Variants in ABCE1 observed in about 807,000 individuals in gnomAD.
ABCE1 encodes the protein ATP-binding cassette sub-family E member 1.
A neutral mutation model predicts 83.4 loss-of-function variants in ABCE1; 22 were observed. That is an observed-to-expected ratio of 0.26 (90% CI 0.19 to 0.38). The LOEUF is 0.38. Among genes scored for constraint, ABCE1 ranks in the 10% least tolerant of loss-of-function variants. ABCE1 has a pLI of 1.00. For synonymous variants in ABCE1, 204 were observed against 233.7 expected (o/e 0.87, Z 1.16); for missense variants, 330 against 721.9 (o/e 0.46, Z 6.22).
chr4:145,119,967 G>T lies in ABCE1; in HGVS notation c.958G>T (p.Glu320Ter), dbSNP rs1307166308. 1 of 1,611,300 alleles carries T rather than the reference G, an allele frequency of 6.2e-7. No individual in the cohort carries two copies. The highest frequency in any genetic ancestry group is 1.7e-5 in the Admixed American group (1 of 59,602). Residue 320 changes from glutamate to a stop codon, truncating the protein, a stop_gained, in exon 11 of 18, where the codon GAA becomes TAA. Coordinates refer to ENST00000296577, the MANE Select transcript of ABCE1 (RefSeq NM_002940.3). LOFTEE classifies it high-confidence loss of function. ...NIFLDGYVPT[E>*]NLRFRDASLV... ...TTTTTTGGATGGCTATGTTCCAACA[G>T]AAAACTTGAGATTCAGAGATGCATC...
At chr4:145,122,358 A>G (rs1749769184) in intron 13 of ABCE1, 1 of 152,222 alleles carries the variant, frequency 6.6e-6, no homozygotes, top group Admixed American at 6.5e-5. Flanking sequence ...CTAGCACATT[A>G]TCATGCATTT....
Position 145,127,609 on chromosome 4 carries a change from AAGG to A in ABCE1, c.*39_*41del, listed in dbSNP as rs1749926695. ...AGAATATTGATAAGCCATTTATTAAAAGGAGTATTTACTAGAATTTTTTGTCAT... is the reference window on the plus strand; with the variant it reads ...AGAATATTGATAAGCCATTTATTAAAAGTATTTACTAGAATTTTTTGTCAT... On this transcript the variant is annotated 3_prime_UTR_variant, in exon 18 of 18. Coordinates refer to ENST00000296577, the MANE Select transcript of ABCE1 (RefSeq NM_002940.3). The A allele has an allele frequency of 2.0e-6, 3 of 1,495,298 alleles. No homozygotes were observed. Among genetic ancestry groups the A allele is most frequent in the Admixed American group, 5.1e-5 (2 of 39,148 alleles). 92.6% of individuals were successfully genotyped at this position (1,495,298 alleles called of 1,614,324 possible).
At chr4:145,118,278 G>T (rs1275886148) in intron 10 of ABCE1, among the ~76,000 whole-genome samples, 4 of 148,714 alleles carry the variant, frequency 2.7e-5, no homozygotes, top group Non-Finnish European at 3.0e-5. Context: ...AATCTTGGAG[G>T]AATCTTTTTT....
intron 7 of ABCE1, 104 bp downstream of exon 7, chr4:145,110,548 T>C: frequency 9.0e-7 from 1 of 1,109,670 alleles, no homozygotes; most frequent in Non-Finnish European, 1.3e-6. Flanking sequence ...CAACCTCTGC[T>C]TACCACAACC....
In ABCE1 at chr4:145,110,389, T is replaced by C. The variant is rs931963728; in HGVS notation, c.558T>C (p.Ser186=). Residue 186 remains serine (S), a synonymous_variant, in exon 7 of 18, where the codon TCT becomes TCC. Transcript: ENST00000296577. ...IPKAAKGTVG[S]ILDRKDETKT... Reference sequence around the variant, plus strand: ...TATTGTGGCAGGGGACAGTGGGATCTATTTTGGACCGAAAAGATGAAACAA... The same window carrying C: ...TATTGTGGCAGGGGACAGTGGGATCCATTTTGGACCGAAAAGATGAAACAA... 8 of 1,612,310 alleles carry C rather than the reference T, an allele frequency of 5.0e-6. No individual in the cohort carries two copies. In the African/African-American group the frequency reaches 1.1e-4, roughly 22 times the overall value.
chr4:145,108,206 A>G (rs979893450), intron 4 of ABCE1, 94 bp downstream of exon 4: 31 of 1,067,220 alleles, frequency 2.9e-5, no homozygotes, highest in Non-Finnish European at 4.1e-5. Context: ...GGGAAATGCT[A>G]TTAACCAGTC....
intron 4 of ABCE1, among the ~76,000 whole-genome samples, chr4:145,108,573 G>A (rs1303211483): frequency 6.6e-6 from 1 of 152,070 alleles, no homozygotes; most frequent in Admixed American, 6.5e-5. Flanking sequence ...CCTTAGTTTG[G>A]GATTTTTATC....
chr4:145,128,638 T>C lies in ABCE1; in HGVS notation c.*1065T>C, dbSNP rs1188548316. On this transcript the variant is annotated 3_prime_UTR_variant, in exon 18 of 18. Transcript: ENST00000296577. ...ATCTAAATTTCTTGAGTTCCTGAAT[T>C]TTGAACAGGATTACCTGGAGCCTGG... The C allele has an allele frequency of 6.6e-6, 1 of 152,182 alleles. No homozygotes were observed. Among genetic ancestry groups the C allele is most frequent in the Admixed American group, 6.5e-5 (1 of 15,280 alleles). 9.4% of individuals were successfully genotyped at this position (152,182 alleles called of 1,614,324 possible).
chr4:145,107,833 T>C (rs1046681120), intron 3 of ABCE1, among the ~76,000 whole-genome samples, 182 bp from the exon 4 acceptor site: 3 of 152,218 alleles, frequency 2.0e-5, no homozygotes, highest in South Asian at 4.1e-4. Context: ...ACAATTGATA[T>C]AATTCTAATG....
chr4:145,109,231 A>C lies in ABCE1; in HGVS notation c.387A>C (p.Pro129=). The C allele has an allele frequency of 6.2e-7, 1 of 1,608,266 alleles. No homozygotes were observed. ...ALKILAGKQK[P]NLGKYDDPPD... is the part of the protein sequence containing the mutation. ...AAATTTTAGCAGGAAAACAAAAGCCAAACCTTGGAAAGTACGATGTATGTA... is the reference window on the plus strand; with the variant it reads ...AAATTTTAGCAGGAAAACAAAAGCCCAACCTTGGAAAGTACGATGTATGTA... Residue 129 remains proline (P), a synonymous_variant, in exon 5 of 18, where the codon CCA becomes CCC. Coordinates refer to ENST00000296577, the MANE Select transcript of ABCE1 (RefSeq NM_002940.3).
rs1749834108 is a variant in ABCE1, at chr4:145,124,846, A to G, written c.1641-144A>G. The G allele has an allele frequency of 1.1e-5, 6 of 557,998 alleles. No individual in the cohort carries two copies. The Admixed American group carries it at 1.9e-4, about 18-fold the overall frequency. 34.6% of individuals were successfully genotyped at this position (557,998 alleles called of 1,614,324 possible). The stretch of plus-strand genomic sequence containing the variant: ...AGCTATTTCTGAACACAGGATTTGT[A>G]ATATGCTGTTATTATACTGTTATCC... On this transcript the variant is annotated intron_variant, in intron 16 of 17. Transcript: ENST00000296577.
At chr4:145,110,547 C>T (rs1236735609) in intron 7 of ABCE1, 103 bp downstream of exon 7, 1 of 1,106,862 alleles carries the variant, frequency 9.0e-7, no homozygotes, top group Non-Finnish European at 1.3e-6. Context: ...GCAACCTCTG[C>T]TTACCACAAC....
rs769912189 is a variant in ABCE1, at chr4:145,109,182, G to C, written c.338G>C (p.Gly113Ala). Residue 113 changes from glycine (G) to alanine (A), a missense_variant, in exon 5 of 18, where the codon GGT becomes GCT. Transcript: ENST00000296577. The stretch of plus-strand genomic sequence containing the variant: ...GTTTTGGGATTAGTTGGAACTAATG[G>C]TATTGGAAAGTCAACTGCTTTAAAA... ...GEVLGLVGTN[G>A]IGKSTALKIL... is the part of the protein sequence containing the mutation. 1 of 1,613,140 alleles carries C rather than the reference G, an allele frequency of 6.2e-7. No individual in the cohort carries two copies. The highest frequency in any genetic ancestry group is 1.1e-5 in the South Asian group (1 of 90,908).
intron 9 of ABCE1, among the ~76,000 whole-genome samples, chr4:145,115,685 A>G (rs1749590142): frequency 6.6e-6 from 1 of 151,912 alleles, no homozygotes; most frequent in Non-Finnish European, 1.5e-5. Context: ...GCAACATTCA[A>G]CTTATGGCTA....
intron 13 of ABCE1, 46 bp from the exon 14 acceptor site, chr4:145,122,975 T>G (rs1216165036): frequency 7.6e-7 from 1 of 1,313,260 alleles, no homozygotes; most frequent in East Asian, 2.4e-5. Flanking sequence ...AGAAGAGTTC[T>G]ATAGTGAAAG....
At chr4:145,126,060 C>T (rs1214299125) in intron 17 of ABCE1, among the ~76,000 whole-genome samples, 2 of 151,872 alleles carry the variant, frequency 1.3e-5, no homozygotes, top group South Asian at 4.2e-4. Flanking sequence ...CCCCGCAACC[C>T]CCGCAAAAAA....
At chr4:145,105,375 A>G (rs894714356) in intron 2 of ABCE1, among the ~76,000 whole-genome samples, 6 of 152,096 alleles carry the variant, frequency 3.9e-5, no homozygotes, top group Non-Finnish European at 7.4e-5. Flanking sequence ...AATATATATT[A>G]ATTAATCATC....
At position 145,123,089 on chromosome 4, in the gene ABCE1, T is replaced by C. The variant is rs756688436; in HGVS notation, c.1332T>C (p.Asp444=). 3.9e-5 allele frequency: 62 copies of C among 1,606,514 alleles called. No individual in the cohort carries two copies. Among genetic ancestry groups the C allele is most frequent in the Non-Finnish European group, 4.8e-5 (57 of 1,177,908 alleles). The change falls in exon 14 of 18, where the codon GAT becomes GAC. Residue 444 remains aspartate, a synonymous_variant. Transcript: ENST00000296577. ...DAYTHPQFVT[D]VMKPLQIENI... ...ATACTCACCCACAATTTGTGACCGA[T>C]GTAATGAAGCCTCTGCAAATTGAAA... is the stretch of plus-strand genomic sequence containing the variant.
intron 3 of ABCE1, among the ~76,000 whole-genome samples, chr4:145,107,093 G>A (rs1467469213): frequency 6.6e-6 from 1 of 151,998 alleles, no homozygotes; most frequent in Admixed American, 6.5e-5. Flanking sequence ...TGACCTTCCT[G>A]TTTTTGCTGT....
Sources: allele counts gnomAD v4.1 joint callset (sites outside exome capture counted in the v4.1 genomes callset), GRCh38; gene constraint gnomAD v4.1.1; transcripts MANE v1.5; gene names NCBI Gene and HGNC (gene_info 2026-07-23, HGNC 2026-07-21).